MKLN1: variants seen among roughly 807,000 people sequenced by gnomAD.
The protein encoded by MKLN1 is muskelin 1.
Under a neutral mutation model 99.0 loss-of-function variants are expected in MKLN1, and 18 were observed. The ratio of observed to expected loss-of-function variants is 0.18; its 90% CI spans 0.13 to 0.27. The LOEUF (loss-of-function observed/expected upper bound fraction) is 0.27. MKLN1 is among the 10% of genes least tolerant of loss of function. MKLN1 has a pLI of 1.00. For missense variants in MKLN1, 621 were observed against 875.9 expected (o/e 0.71, Z 3.67); for synonymous variants, 288 against 293.2 (o/e 0.98, Z 0.18).
At chr7:131,398,835 A>G (rs183464296) in intron 5 of MKLN1, among the ~76,000 whole-genome samples, 17 of 152,358 alleles carry the variant, frequency 1.1e-4, no homozygotes, top group African/African-American at 4.1e-4. Flanking sequence ...AAAATAGCAT[A>G]ATATAATTTA....
At chr7:131,203,494 T>C (rs1414011569) in intron 3 of MKLN1, among the ~76,000 whole-genome samples, 1 of 152,158 alleles carries the variant, frequency 6.6e-6, no homozygotes, top group African/African-American at 2.4e-5. Flanking sequence ...AAAGGAGGGT[T>C]GGCCAGCAGC....
intron 2 of MKLN1, among the ~76,000 whole-genome samples, chr7:131,196,105 A>C (rs1011321308): frequency 2.0e-4 from 30 of 152,026 alleles, no homozygotes; most frequent in African/African-American, 6.8e-4. Context: ...TTATTTTTGA[A>C]TTTGTAATTT....
chr7:131,423,343 A>T (rs185534513), intron 8 of MKLN1, among the ~76,000 whole-genome samples: 5 of 152,014 alleles, frequency 3.3e-5, no homozygotes, highest in Admixed American at 6.6e-5. Flanking sequence ...TTATTTATTT[A>T]TTTTTTGAGA....
In MKLN1 at chr7:131,332,579, A is replaced by G. The variant is rs1385686433; in HGVS notation, c.98+4582A>G. On this transcript the variant is annotated intron_variant, in intron 1 of 17. Transcript: ENST00000352689. ...AAACAAAATTTAAATTACCCTTGAT[A>G]TCACTACCTAAAGATTACTAGTCAC... Among the ~76,000 whole-genome samples, 3 of 151,616 alleles carry G rather than the reference A, an allele frequency of 2.0e-5. No homozygotes were observed. In the East Asian group the frequency reaches 5.8e-4, roughly 29 times the overall value.
Position 131,446,864 on chromosome 7 carries a change from G to A in MKLN1, c.1525+961G>A, listed in dbSNP as rs555245808. Reference sequence around the variant, plus strand: ...ACATGGGAGGATTGCTTGAATCTAGGAGTTTAGGACCAGCCTGAGCAACAA... The same window carrying A: ...ACATGGGAGGATTGCTTGAATCTAGAAGTTTAGGACCAGCCTGAGCAACAA... On this transcript the variant is annotated intron_variant, in intron 12 of 17. Coordinates refer to ENST00000352689, the MANE Select transcript of MKLN1 (RefSeq NM_013255.5). 8.5e-5 allele frequency among the ~76,000 whole-genome samples: 13 copies of A among 152,264 alleles called. No homozygotes were observed. The East Asian group carries it at 2.5e-3, about 29-fold the overall frequency.
At chr7:131,256,040 G>A (rs1797653409) in intron 3 of MKLN1, among the ~76,000 whole-genome samples, 1 of 151,518 alleles carries the variant, frequency 6.6e-6, no homozygotes, top group African/African-American at 2.4e-5. Flanking sequence ...CAAGTAGCTG[G>A]GACTACAGAC....
intron 2 of MKLN1, among the ~76,000 whole-genome samples, chr7:131,200,295 A>T (rs1479307159): frequency 1.3e-5 from 2 of 152,180 alleles, no homozygotes; most frequent in Non-Finnish European, 2.9e-5. Context: ...AAAGAGTAAA[A>T]TTCCCCTTCC....
At chr7:131,226,436 C>T (rs2116463572) in intron 3 of MKLN1, among the ~76,000 whole-genome samples, 2 of 152,272 alleles carry the variant, frequency 1.3e-5, no homozygotes, top group East Asian at 1.9e-4. Context: ...CTCTCTGAAA[C>T]CATTGAGAGG....
chr7:131,335,822 C>G (rs1397065412), intron 1 of MKLN1, among the ~76,000 whole-genome samples: 2 of 151,532 alleles, frequency 1.3e-5, no homozygotes, highest in African/African-American at 4.8e-5. Flanking sequence ...AGTTTCAGAC[C>G]TTTATTGATA....
intron 1 of MKLN1, among the ~76,000 whole-genome samples, chr7:131,336,465 ATTG>A (rs141415700): frequency 0.072 from 10,936 of 151,890 alleles, 508 homozygotes; most frequent in Middle Eastern, 0.14. Context: ...CTGTCATTTT[ATTG>A]TTTTCTGTTT....
intron 3 of MKLN1, among the ~76,000 whole-genome samples, chr7:131,213,110 G>A (rs963706265): frequency 6.6e-5 from 10 of 151,800 alleles, no homozygotes; most frequent in African/African-American, 2.2e-4. Context: ...GTTGCAATAC[G>A]TGATTCCCAT....
At chr7:131,257,460 C>T (rs79172152) in intron 3 of MKLN1, among the ~76,000 whole-genome samples, 377 of 152,220 alleles carry the variant, frequency 2.5e-3, no homozygotes, top group African/African-American at 8.7e-3. Context: ...TTAAGTTGTG[C>T]CTAAAATGGA....
intron 3 of MKLN1, among the ~76,000 whole-genome samples, chr7:131,267,485 C>T (rs1356612751): frequency 6.6e-6 from 1 of 152,176 alleles, no homozygotes; most frequent in Non-Finnish European, 1.5e-5. Context: ...TGTTGCCCTT[C>T]CATAAGTGGG....
At chr7:131,136,826 AG>A (rs1290771077) in intron 1 of MKLN1, among the ~76,000 whole-genome samples, 1 of 152,142 alleles carries the variant, frequency 6.6e-6, no homozygotes, top group Non-Finnish European at 1.5e-5. Flanking sequence ...TAGCTCTGGG[AG>A]GACCTTCTGC....
intron 3 of MKLN1, among the ~76,000 whole-genome samples, chr7:131,214,187 C>T (rs1318321435): frequency 1.3e-5 from 2 of 152,132 alleles, no homozygotes; most frequent in Non-Finnish European, 2.9e-5. Context: ...TGAGCCCAGC[C>T]CTCGTTCTCC....
intron 1 of MKLN1, among the ~76,000 whole-genome samples, chr7:131,371,191 A>G (rs757400278): frequency 3.3e-5 from 5 of 152,144 alleles, no homozygotes; most frequent in African/African-American, 9.7e-5. Flanking sequence ...ATTTAGGCCT[A>G]TGAAGATGTA....
At chr7:131,300,728 G>T (rs1798366097) in intron 3 of MKLN1, among the ~76,000 whole-genome samples, 1 of 150,960 alleles carries the variant, frequency 6.6e-6, no homozygotes, top group South Asian at 2.1e-4. Flanking sequence ...AAAGAATGTG[G>T]AATCTCTAGA....
chr7:131,306,209 T>G (rs1312472724), intron 3 of MKLN1, among the ~76,000 whole-genome samples: 1 of 152,200 alleles, frequency 6.6e-6, no homozygotes, highest in Non-Finnish European at 1.5e-5. Context: ...CCTCCTTTCT[T>G]CATAAATTAC....
chr7:131,181,180 A>G (rs1010170894), intron 2 of MKLN1, among the ~76,000 whole-genome samples: 3 of 152,166 alleles, frequency 2.0e-5, no homozygotes, highest in Non-Finnish European at 4.4e-5. Context: ...TAAATCCACT[A>G]CTTCCTCCTC....
Sources: gnomAD v4.1 joint callset for allele counts (sites outside exome capture counted in the v4.1 genomes callset) on GRCh38, gnomAD v4.1.1 for gene constraint, MANE v1.5 for transcripts, NCBI Gene and HGNC (gene_info 2026-07-23, HGNC 2026-07-21) for gene names.